The following YEATS4 variants were observed in gnomAD, a reference collection of about 807,000 sequenced individuals.
The protein encoded by YEATS4 is YEATS domain-containing protein 4.
YEATS4 carries 17 observed loss-of-function variants against 30.1 expected under a neutral mutation model. That is an observed-to-expected ratio of 0.56 (90% CI 0.39 to 0.85). The LOEUF (loss-of-function observed/expected upper bound fraction) is 0.85, where lower values mean the gene tolerates loss of function less well. YEATS4 is among the 40% of genes least tolerant of loss of function. The pLI is 0.00. For synonymous variants in YEATS4, 85 were observed against 87.5 expected (o/e 0.97, Z 0.16); for missense variants, 142 against 268.3 (o/e 0.53, Z 3.29).
chr12:69,406,021 C>A, the YEATS4 span, among the ~76,000 whole-genome samples: 2 of 152,152 alleles, frequency 1.3e-5, no homozygotes, highest in Admixed American at 1.3e-4. Flanking sequence ...TATGAATGTT[C>A]TATGATTTAT....
the YEATS4 span, among the ~76,000 whole-genome samples, chr12:69,419,298 G>A: frequency 6.9e-6 from 1 of 145,646 alleles, no homozygotes. Flanking sequence ...ATGACCCACT[G>A]CAGCCTCAAC....
At chr12:69,420,715 G>A in the YEATS4 span, among the ~76,000 whole-genome samples, 17,488 of 151,866 alleles carry the variant, frequency 0.12, 1,208 homozygotes, top group East Asian at 0.19. Flanking sequence ...ATGGTCAAAG[G>A]TGATAAATGT....
intron 6 of YEATS4, among the ~76,000 whole-genome samples, chr12:69,389,467 A>G (rs1592862038): frequency 7.0e-6 from 1 of 143,536 alleles, no homozygotes; most frequent in African/African-American, 2.6e-5. Context: ...AAAAAAAAAA[A>G]GTTTCACCTG....
downstream of YEATS4, among the ~76,000 whole-genome samples, chr12:69,393,285 A>C (rs879894534): frequency 1.9e-4 from 29 of 152,218 alleles, no homozygotes; most frequent in African/African-American, 4.6e-4. Flanking sequence ...TACAAAAAAA[A>C]CCAAACAAAC....
At position 69,388,063 on chromosome 12, in the gene YEATS4, A is replaced by AT. The variant is rs66970417; in HGVS notation, c.515-2072dup. On this transcript the variant is annotated intron_variant, in intron 6 of 6. Coordinates refer to ENST00000247843, the MANE Select transcript of YEATS4 (RefSeq NM_006530.4). ...GAATTTTTTTATTTTTTTTATTTTT[A>AT]TTTTTTTTTTTTGAGGCAGAGTCTC... Among the ~76,000 whole-genome samples the AT allele has an allele frequency of 3.4e-3, 484 of 143,466 alleles. 2 individuals carry two copies. Among genetic ancestry groups the AT allele is most frequent in the African/African-American group, 9.4e-3 (369 of 39,268 alleles). The allele number at this position is 143,466 out of a possible 152,430, so 94.1% of individuals were successfully genotyped here. A position where few individuals can be genotyped will look rare whatever the true frequency, so the allele number is the denominator to read the frequency against.
At chr12:69,375,598 T>A (rs1875837104) in intron 6 of YEATS4, among the ~76,000 whole-genome samples, 2 of 152,160 alleles carry the variant, frequency 1.3e-5, no homozygotes, top group South Asian at 4.1e-4. Flanking sequence ...GCCACTGCAC[T>A]CCAGCCTGGG....
intron 6 of YEATS4, among the ~76,000 whole-genome samples, chr12:69,385,292 A>AGAGTG (rs1876230678): frequency 2.3e-5 from 1 of 44,208 alleles, no homozygotes; most frequent in Admixed American, 2.2e-4. Context: ...GTACCGATTA[A>AGAGTG]GAGTAAACTT....
At chr12:69,406,769 A>G in the YEATS4 span, among the ~76,000 whole-genome samples, 2 of 152,094 alleles carry the variant, frequency 1.3e-5, no homozygotes, top group Non-Finnish European at 2.9e-5. Context: ...TACCATAATT[A>G]TTCTTTTATT....
At chr12:69,399,277 G>A in the YEATS4 span, among the ~76,000 whole-genome samples, 2 of 150,146 alleles carry the variant, frequency 1.3e-5, no homozygotes, top group East Asian at 1.9e-4. Flanking sequence ...GACAAGAGTC[G>A]AGTATCCAGA....
At chr12:69,420,002 G>A in the YEATS4 span, among the ~76,000 whole-genome samples, 1 of 152,232 alleles carries the variant, frequency 6.6e-6, no homozygotes, top group Non-Finnish European at 1.5e-5. Context: ...AGAAGCTTTG[G>A]AAATTCTTCT....
the YEATS4 span, among the ~76,000 whole-genome samples, chr12:69,403,779 A>G: frequency 6.6e-6 from 1 of 152,132 alleles, no homozygotes; most frequent in Non-Finnish European, 1.5e-5. Context: ...TCACTTTGAT[A>G]CCCAAATTAT....
the YEATS4 span, among the ~76,000 whole-genome samples, chr12:69,422,001 A>T: frequency 6.6e-6 from 1 of 152,316 alleles, no homozygotes; most frequent in African/African-American, 2.4e-5. Context: ...CAGGACAGGA[A>T]TCTTTTGAAA....
intron 4 of YEATS4, among the ~76,000 whole-genome samples, chr12:69,367,566 A>G (rs1875485935): frequency 6.6e-6 from 1 of 152,096 alleles, no homozygotes; most frequent in Non-Finnish European, 1.5e-5. Context: ...GGGGCTCGCC[A>G]TGTTGCCCAG....
chr12:69,415,332 T>G, the YEATS4 span, among the ~76,000 whole-genome samples: 2 of 152,162 alleles, frequency 1.3e-5, no homozygotes, highest in African/African-American at 4.8e-5. Flanking sequence ...CCCAACACTT[T>G]GGGAGGCCGA....
intron 6 of YEATS4, among the ~76,000 whole-genome samples, chr12:69,389,847 GC>G (rs1048097185): frequency 2.6e-5 from 4 of 151,944 alleles, no homozygotes; most frequent in Non-Finnish European, 4.4e-5. Flanking sequence ...GGGTTTGTGT[GC>G]CCCCTTATTT....
chr12:69,374,967 GC>G (rs1245331086), intron 6 of YEATS4, among the ~76,000 whole-genome samples: 4 of 150,154 alleles, frequency 2.7e-5, no homozygotes, highest in South Asian at 2.1e-4. Context: ...GGGCAGGGGC[GC>G]CCCCCACCTC....
At chr12:69,410,058 T>G in the YEATS4 span, among the ~76,000 whole-genome samples, 1 of 152,182 alleles carries the variant, frequency 6.6e-6, no homozygotes, top group Non-Finnish European at 1.5e-5. Flanking sequence ...TTTTCCTGTT[T>G]AAGCCACCCA....
the YEATS4 span, among the ~76,000 whole-genome samples, chr12:69,399,939 C>T: frequency 7.2e-5 from 11 of 152,030 alleles, no homozygotes; most frequent in Non-Finnish European, 1.6e-4. Context: ...TCCATAGAGA[C>T]AGAAAGTGAT....
the YEATS4 span, among the ~76,000 whole-genome samples, chr12:69,419,092 T>C: frequency 6.7e-6 from 1 of 150,190 alleles, no homozygotes; most frequent in Admixed American, 6.6e-5. Context: ...TGCTCATTCT[T>C]CCTTTAGTGC....
Sources: gnomAD v4.1 joint callset for allele counts (sites outside exome capture counted in the v4.1 genomes callset) on GRCh38, gnomAD v4.1.1 for gene constraint, MANE v1.5 for transcripts, NCBI Gene and HGNC (gene_info 2026-07-23, HGNC 2026-07-21) for gene names.